The following SLC24A2 variants were observed in gnomAD, a reference collection of about 807,000 sequenced individuals.
SLC24A2 encodes solute carrier family 24 member 2.
In SLC24A2, 36 loss-of-function variants were observed where a neutral mutation model predicts 62.0. That is an observed-to-expected ratio of 0.58 (90% CI 0.44 to 0.77). The LOEUF (loss-of-function observed/expected upper bound fraction) is 0.77, where lower values mean the gene tolerates loss of function less well. Ranked by LOEUF, SLC24A2 falls within the 30% of genes least tolerant of loss-of-function variation. SLC24A2 has a pLI of 0.00. For synonymous variants in SLC24A2, 358 were observed against 294.0 expected (o/e 1.22, Z -2.23); for missense variants, 846 against 817.9 (o/e 1.03, Z -0.42).
rs1586907596 is a variant in SLC24A2, at chr9:19,534,340, T to A, written c.1480-6202A>T. 2.0e-5 allele frequency among the ~76,000 whole-genome samples: 3 copies of A among 152,190 alleles called. No homozygotes were observed. The South Asian group carries it at 6.2e-4, about 32-fold the overall frequency. ...TAGAGTGCCTTAACAATATAAATTG[T>A]ACATTTTTTGTCTTTGTATCTCTTT... On this transcript the variant is annotated intron_variant, in intron 8 of 10. Transcript: ENST00000341998.
At chr9:19,581,899 T>C (rs1836220907) in intron 5 of SLC24A2, among the ~76,000 whole-genome samples, 1 of 152,352 alleles carries the variant, frequency 6.6e-6, no homozygotes, top group East Asian at 1.9e-4. Flanking sequence ...TTAAAAAATA[T>C]ACTCTCTTGT....
chr9:19,825,286 A>G, the SLC24A2 span, among the ~76,000 whole-genome samples: 1 of 152,212 alleles, frequency 6.6e-6, no homozygotes, highest in Non-Finnish European at 1.5e-5. Flanking sequence ...GTCCAAGATC[A>G]GGCTCTAGAG....
the SLC24A2 span, among the ~76,000 whole-genome samples, chr9:20,130,321 C>T: frequency 2.2e-4 from 33 of 150,648 alleles, 1 homozygote; most frequent in African/African-American, 6.6e-4. Context: ...CACAAGCTCT[C>T]GGTGTTATGA....
the SLC24A2 span, among the ~76,000 whole-genome samples, chr9:20,150,052 A>C: frequency 1.3e-5 from 2 of 152,046 alleles, no homozygotes; most frequent in East Asian, 1.9e-4. Flanking sequence ...TATTCCTTCC[A>C]GGTGAAAAAT....
chr9:20,122,561 A>ATG, the SLC24A2 span, among the ~76,000 whole-genome samples: 7 of 152,020 alleles, frequency 4.6e-5, no homozygotes, highest in Non-Finnish European at 1.0e-4. Flanking sequence ...GGTGGTGGGC[A>ATG]CCTGTAATCC....
At chr9:19,994,245 T>C in the SLC24A2 span, among the ~76,000 whole-genome samples, 1 of 152,074 alleles carries the variant, frequency 6.6e-6, no homozygotes, top group Non-Finnish European at 1.5e-5. Context: ...CTGCTGCCAA[T>C]TGCTAAATTT....
the SLC24A2 span, among the ~76,000 whole-genome samples, chr9:19,802,593 A>C: frequency 6.6e-6 from 1 of 152,218 alleles, no homozygotes; most frequent in Non-Finnish European, 1.5e-5. Flanking sequence ...TGATCCATTA[A>C]ATCTCTTGGT....
chr9:20,263,083 C>G, the SLC24A2 span, among the ~76,000 whole-genome samples: 1 of 152,212 alleles, frequency 6.6e-6, no homozygotes, highest in Non-Finnish European at 1.5e-5. Flanking sequence ...TGCACCTGTG[C>G]TATCACTGGG....
the SLC24A2 span, among the ~76,000 whole-genome samples, chr9:20,161,578 C>A: frequency 6.6e-6 from 1 of 151,164 alleles, no homozygotes; most frequent in Non-Finnish European, 1.5e-5. Flanking sequence ...ATATGAGAAA[C>A]TATATTAATA....
chr9:20,272,612 A>G, the SLC24A2 span, among the ~76,000 whole-genome samples: 14 of 152,352 alleles, frequency 9.2e-5, no homozygotes, highest in Middle Eastern at 6.8e-3. Context: ...ATTCTGTAGT[A>G]TAACTCTCAT....
chr9:20,100,210 T>A, the SLC24A2 span, among the ~76,000 whole-genome samples: 1 of 152,072 alleles, frequency 6.6e-6, no homozygotes, highest in African/African-American at 2.4e-5. Context: ...GTTTGTTTTT[T>A]TTGTTTTTTT....
intron 2 of SLC24A2, among the ~76,000 whole-genome samples, chr9:19,715,469 A>G (rs925486504): frequency 3.3e-5 from 5 of 152,230 alleles, no homozygotes; most frequent in African/African-American, 1.2e-4. Context: ...CTTGGGAAGT[A>G]TTCCACATCC....
At chr9:19,967,808 C>G in the SLC24A2 span, 1 of 152,164 alleles carries the variant, frequency 6.6e-6, no homozygotes, top group African/African-American at 2.4e-5. Flanking sequence ...CAAATGTTGC[C>G]ATCTCCTTGT....
the SLC24A2 span, among the ~76,000 whole-genome samples, chr9:20,166,893 A>T: frequency 2.0e-5 from 3 of 151,994 alleles, no homozygotes; most frequent in African/African-American, 7.2e-5. Context: ...CCAGGCTAGA[A>T]CACAGTGGCA....
chr9:19,532,202 C>T (rs1432665870), intron 8 of SLC24A2, among the ~76,000 whole-genome samples: 3 of 152,262 alleles, frequency 2.0e-5, no homozygotes, highest in Non-Finnish European at 2.9e-5. Flanking sequence ...CCTACCTCAG[C>T]CTCCTGAGGT....
chr9:19,620,930 G>A (rs1235936492), intron 3 of SLC24A2, among the ~76,000 whole-genome samples: 1 of 152,078 alleles, frequency 6.6e-6, no homozygotes, highest in African/African-American at 2.4e-5. Flanking sequence ...GACCCACAAG[G>A]GGGCTTCCCC....
the SLC24A2 span, among the ~76,000 whole-genome samples, chr9:20,069,645 C>T: frequency 3.3e-5 from 5 of 152,170 alleles, no homozygotes; most frequent in Non-Finnish European, 5.9e-5. Context: ...CTTTTATTTT[C>T]GTCACCTATG....
the SLC24A2 span, among the ~76,000 whole-genome samples, chr9:20,079,004 T>A: frequency 6.9e-6 from 1 of 145,144 alleles, no homozygotes; most frequent in African/African-American, 2.5e-5. Flanking sequence ...CCCTAGAACA[T>A]GTGAATGTGA....
chr9:19,972,005 C>A, the SLC24A2 span, among the ~76,000 whole-genome samples: 1 of 152,144 alleles, frequency 6.6e-6, no homozygotes, highest in Non-Finnish European at 1.5e-5. Flanking sequence ...AGCTAGATGG[C>A]CACAAATCTG....
Sources: gnomAD v4.1 joint callset for allele counts (sites outside exome capture counted in the v4.1 genomes callset) on GRCh38, gnomAD v4.1.1 for gene constraint, MANE v1.5 for transcripts, NCBI Gene and HGNC (gene_info 2026-07-23, HGNC 2026-07-21) for gene names.